Variants in CACNA1A observed in about 807,000 individuals in gnomAD.
The protein encoded by CACNA1A is calcium voltage-gated channel subunit alpha1 A.
A neutral mutation model predicts 262.4 loss-of-function variants in CACNA1A; 57 were observed. The observed-to-expected ratio is 0.22, with a 90% CI of 0.18 to 0.27. The LOEUF (loss-of-function observed/expected upper bound fraction) is 0.27, where lower values mean the gene tolerates loss of function less well. Among genes scored for constraint, CACNA1A ranks in the 10% least tolerant of loss-of-function variants. CACNA1A has a pLI of 1.00. For missense variants in CACNA1A, 2,526 were observed against 3,562.8 expected, an observed-to-expected ratio of 0.71 and a Z score of 7.41; for synonymous variants, 1,431 against 1,419.3, an observed-to-expected ratio of 1.01 and a Z score of -0.18.
chr19:13,504,620 CTCA>C (rs1982794368), intron 1 of CACNA1A, among the ~76,000 whole-genome samples: 1 of 152,142 alleles, frequency 6.6e-6, no homozygotes, highest in Admixed American at 6.5e-5. Flanking sequence ...GGATAGGGGA[CTCA>C]TCGCTGAGCC....
At position 13,240,321 on chromosome 19, in the gene CACNA1A, A is replaced by G. The variant is rs184058215; in HGVS notation, c.4951-4591T>C. The stretch of plus-strand genomic sequence containing the variant: ...GTGTGTGTATAGCGACTGTGTGTTC[A>G]ATGTGTGAATGCAGACTGTGTGTGC... On this transcript the variant is annotated intron_variant, in intron 31 of 46. Transcript: ENST00000360228. 6.6e-3 allele frequency among the ~76,000 whole-genome samples: 987 copies of G among 150,270 alleles called. 7 individuals are homozygous for G. The highest frequency in any genetic ancestry group is 0.023 in the African/African-American group (922 of 40,872).
intron 37 of CACNA1A, 64 bp from the exon 38 acceptor site, chr19:13,224,836 G>C: frequency 8.3e-7 from 1 of 1,205,184 alleles, no homozygotes; most frequent in Non-Finnish European, 1.2e-6. Flanking sequence ...CCCGTGAGCC[G>C]CGCCCGCCCC....
chr19:13,253,253 C>T (rs559856786), intron 29 of CACNA1A, among the ~76,000 whole-genome samples, 152 bp from the exon 30 acceptor site: 1 of 151,980 alleles, frequency 6.6e-6, no homozygotes, highest in African/African-American at 2.4e-5. Flanking sequence ...TTCAGGAAAG[C>T]CCCGCTCTCC....
intron 6 of CACNA1A, among the ~76,000 whole-genome samples, chr19:13,358,903 T>C (rs1428167780): frequency 6.6e-6 from 1 of 152,238 alleles, no homozygotes; most frequent in Non-Finnish European, 1.5e-5. Context: ...AGCCCTGTCC[T>C]GTCCCTTTCT....
At chr19:13,282,160 G>A (rs773477910) in intron 22 of CACNA1A, among the ~76,000 whole-genome samples, 3 of 152,196 alleles carry the variant, frequency 2.0e-5, no homozygotes, top group African/African-American at 4.8e-5. Flanking sequence ...CAGGTCCCCA[G>A]GGGGGCCTGC....
chr19:13,466,343 C>T (rs1277505410), intron 1 of CACNA1A, among the ~76,000 whole-genome samples: 6 of 142,224 alleles, frequency 4.2e-5, no homozygotes, highest in South Asian at 2.3e-4. Context: ...TTTTTTAAGA[C>T]GGAGTCTTGC....
At chr19:13,454,596 T>C (rs8111914) in intron 2 of CACNA1A, among the ~76,000 whole-genome samples, 18,680 of 152,152 alleles carry the variant, frequency 0.12, 1,528 homozygotes, top group East Asian at 0.26. Flanking sequence ...GGTCTCGAAC[T>C]CTTGACCTCA....
At chr19:13,464,697 T>C (rs370046071) in intron 1 of CACNA1A, among the ~76,000 whole-genome samples, 3,366 of 144,948 alleles carry the variant, frequency 0.023, 74 homozygotes, top group South Asian at 0.06. Context: ...TACAGGCGCC[T>C]GCCACCGCGC....
intron 2 of CACNA1A, among the ~76,000 whole-genome samples, chr19:13,454,170 A>C (rs1384089473): frequency 6.6e-6 from 1 of 151,670 alleles, no homozygotes; most frequent in Non-Finnish European, 1.5e-5. Context: ...GTTGGTGATC[A>C]ACTTGATTTT....
At chr19:13,413,895 AAAAGAAAG>A (rs57341945) in intron 3 of CACNA1A, among the ~76,000 whole-genome samples, 15,160 of 119,086 alleles carry the variant, frequency 0.13, 1,320 homozygotes, top group Admixed American at 0.23. Flanking sequence ...GAAAGAAAGA[AAAAGAAAG>A]AAAGAAAGAA....
intron 3 of CACNA1A, among the ~76,000 whole-genome samples, chr19:13,447,832 C>T (rs1026414391): frequency 1.3e-5 from 2 of 152,220 alleles, no homozygotes; most frequent in African/African-American, 4.8e-5. Flanking sequence ...CTCTTTCCAA[C>T]TTCTTCTGCC....
intron 3 of CACNA1A, among the ~76,000 whole-genome samples, chr19:13,407,745 C>G (rs1025876694): frequency 2.0e-5 from 3 of 152,284 alleles, no homozygotes; most frequent in African/African-American, 7.2e-5. Context: ...AATCCTAGCA[C>G]TTTGGGAGGC....
At position 13,207,410 on chromosome 19, in the gene CACNA1A, C is replaced by T. The variant is rs1239663368; in HGVS notation, c.7424G>A (p.Gly2475Asp). 15 of 1,533,266 alleles carry T rather than the reference C, an allele frequency of 9.8e-6. No homozygotes were observed. Among genetic ancestry groups the T allele is most frequent in the Non-Finnish European group, 1.3e-5 (15 of 1,145,430 alleles). The allele number at this position is 1,533,266 out of a possible 1,614,324, so 95.0% of individuals were successfully genotyped here. The change falls in exon 47 of 47, where the codon GGC becomes GAC. Residue 2475 changes from glycine to aspartate, a missense_variant. Around this residue, in one of 17 missense-constraint regions of CACNA1A, gnomAD observed 929 missense variants for 868.1 expected, o/e 1.07. Coordinates refer to ENST00000360228, the MANE Select transcript of CACNA1A (RefSeq NM_001127222.2). The surrounding 1 kb of genome is among the most constrained non-coding windows in gnomAD (Gnocchi z 5.7). ...GGCCAGTCCGTGCGCCGGGTAGTAG[C>T]CGTTGGGGAGTCGCCGGCCGTGCCG... ...PSRHGRRLPN[G>D]YYPAHGLARP... is the part of the protein sequence containing the mutation.
At chr19:13,437,588 G>A (rs1599453767) in intron 3 of CACNA1A, among the ~76,000 whole-genome samples, 1 of 151,620 alleles carries the variant, frequency 6.6e-6, no homozygotes, top group Non-Finnish European at 1.5e-5. Context: ...CTACTCAGGA[G>A]GCTGAGGTGG....
At chr19:13,465,260 A>C (rs1337617390) in intron 1 of CACNA1A, among the ~76,000 whole-genome samples, 1 of 152,032 alleles carries the variant, frequency 6.6e-6, no homozygotes, top group Non-Finnish European at 1.5e-5. Flanking sequence ...GAGGGAGGGA[A>C]GGGACAATAC....
rs1251296717 is a variant in CACNA1A at position 13,207,558 on chromosome 19, CGCCCCCGCT to C, written c.7267_7275del (p.Ser2423_Gly2425del). Reference sequence around the variant, plus strand: ...TAGGCCCCGGCCATGGCCTCCTCGCCGCCCCCGCTGCCCGGGCCATCGGCCTCGTCGTAG... The same window carrying C: ...TAGGCCCCGGCCATGGCCTCCTCGCCGCCCGGGCCATCGGCCTCGTCGTAG... On this transcript the variant is annotated inframe_deletion, in exon 47 of 47. Coordinates refer to ENST00000360228, the MANE Select transcript of CACNA1A (RefSeq NM_001127222.2). The surrounding 1 kb of genome is among the most constrained non-coding windows in gnomAD (Gnocchi z 5.7). The C allele has an allele frequency of 4.2e-5, 62 of 1,464,860 alleles. No homozygotes were observed. Among genetic ancestry groups the C allele is most frequent in the Non-Finnish European group, 5.3e-5 (59 of 1,108,226 alleles). The allele number at this position is 1,464,860 out of a possible 1,614,324, so 90.7% of individuals were successfully genotyped here.
At chr19:13,220,537 G>T (rs2055182090) in intron 38 of CACNA1A, among the ~76,000 whole-genome samples, 1 of 152,186 alleles carries the variant, frequency 6.6e-6, no homozygotes, top group Non-Finnish European at 1.5e-5. Flanking sequence ...TTCTCCCCCA[G>T]ATCCTCCAGA....
At chr19:13,208,137 G>T (rs1200767957) in intron 46 of CACNA1A, 84 bp from the exon 47 acceptor site, 2 of 649,876 alleles carry the variant, frequency 3.1e-6, no homozygotes, top group Non-Finnish European at 1.9e-6. Flanking sequence ...GAAGAGAGGG[G>T]AGCGAAGGGA....
intron 1 of CACNA1A, among the ~76,000 whole-genome samples, chr19:13,496,803 C>G (rs991474304): frequency 6.6e-6 from 1 of 152,204 alleles, no homozygotes; most frequent in African/African-American, 2.4e-5. Context: ...GTCCATCCAT[C>G]TATCCACTCT....
Sources: gnomAD v4.1 joint callset for allele counts (sites outside exome capture counted in the v4.1 genomes callset) on GRCh38, gnomAD v4.1.1 for gene constraint, gnomAD v4.1.1 regional missense constraint, Gnocchi (gnomAD v3.1) non-coding constraint, MANE v1.5 for transcripts, NCBI Gene and HGNC (gene_info 2026-07-23, HGNC 2026-07-21) for gene names.